The following IGSF11 variants were observed in gnomAD, a reference collection of about 807,000 sequenced individuals.
The protein encoded by IGSF11 is CXADR like 1.
Under a neutral mutation model 41.0 loss-of-function variants are expected in IGSF11, and 22 were observed. The observed-to-expected ratio is 0.54, with a 90% confidence interval of 0.38 to 0.77. The LOEUF (loss-of-function observed/expected upper bound fraction) is 0.77, where lower values mean the gene tolerates loss of function less well. Ranked by LOEUF, IGSF11 falls within the 30% of genes least tolerant of loss-of-function variation. The pLI is 0.00. For synonymous variants in IGSF11, 219 were observed against 201.3 expected (o/e 1.09, Z -0.74); for missense variants, 444 against 530.8 (o/e 0.84, Z 1.61).
At chr3:119,003,132 A>C (rs1462468369) in intron 1 of IGSF11, among the ~76,000 whole-genome samples, 2 of 138,650 alleles carry the variant, frequency 1.4e-5, no homozygotes, top group East Asian at 2.0e-4. Flanking sequence ...ATTTGTTTGT[A>C]TCCTCTTTTA....
At chr3:119,067,881 C>G (rs546119026) in intron 1 of IGSF11, among the ~76,000 whole-genome samples, 4 of 152,284 alleles carry the variant, frequency 2.6e-5, no homozygotes, top group African/African-American at 9.6e-5. Context: ...CTTGCTCTTA[C>G]AGGTATCTGA....
chr3:119,100,705 T>G (rs1367608775), intron 1 of IGSF11, among the ~76,000 whole-genome samples: 1 of 152,238 alleles, frequency 6.6e-6, no homozygotes, highest in East Asian at 1.9e-4. Flanking sequence ...ATAAAAGGGC[T>G]GGACCATGAG....
intron 1 of IGSF11, among the ~76,000 whole-genome samples, chr3:118,988,667 G>T (rs1463842833): frequency 1.3e-5 from 2 of 152,168 alleles, no homozygotes; most frequent in Non-Finnish European, 2.9e-5. Flanking sequence ...GCATCTGCAT[G>T]TGGTTTGTCA....
chr3:119,075,075 G>C (rs1030678904), intron 1 of IGSF11, among the ~76,000 whole-genome samples: 1 of 152,002 alleles, frequency 6.6e-6, no homozygotes, highest in Non-Finnish European at 1.5e-5. Context: ...AAGTAAGATA[G>C]ATATACCACT....
chr3:119,032,773 C>T (rs530850856), intron 1 of IGSF11, among the ~76,000 whole-genome samples: 123 of 152,324 alleles, frequency 8.1e-4, no homozygotes, highest in African/African-American at 2.7e-3. Flanking sequence ...CATACATTCC[C>T]TGTACCATAA....
At chr3:118,959,227 T>C (rs549818654) in intron 1 of IGSF11, among the ~76,000 whole-genome samples, 14 of 152,304 alleles carry the variant, frequency 9.2e-5, no homozygotes, top group East Asian at 3.9e-4. Flanking sequence ...CTGCCACGAA[T>C]TGTGGACCAC....
chr3:118,960,592 T>A (rs1041905199), intron 1 of IGSF11, among the ~76,000 whole-genome samples: 1 of 152,122 alleles, frequency 6.6e-6, no homozygotes. Context: ...CTACAACATA[T>A]ACAATTTATT....
intron 1 of IGSF11, among the ~76,000 whole-genome samples, chr3:119,050,171 C>T (rs1941556651): frequency 6.6e-6 from 1 of 151,444 alleles, no homozygotes; most frequent in Admixed American, 6.6e-5. Flanking sequence ...AACTAAAGAG[C>T]TTCTGCACAG....
chr3:119,090,710 C>G (rs575744157), intron 1 of IGSF11, among the ~76,000 whole-genome samples: 30 of 152,264 alleles, frequency 2.0e-4, no homozygotes, highest in African/African-American at 7.0e-4. Flanking sequence ...TGATGGCTAC[C>G]TTTCACCATA....
rs935461764 is a variant in IGSF11, at chr3:119,143,865, A to G, written c.-14+1948T>C. On this transcript the variant is annotated intron_variant, in intron 1 of 7. Transcript: ENST00000425327. ...AGTCAAAAAATGTTATGAGGGACGA[A>G]GAAGTGCATTATATATTGATAAAAG... Among the ~76,000 whole-genome samples, 5 of 152,308 alleles carry G rather than the reference A, an allele frequency of 3.3e-5. 1 individual carries two copies. The highest frequency in any genetic ancestry group is 3.9e-4 in the East Asian group (2 of 5,192).
rs565975446 is a variant in IGSF11, at chr3:119,040,577, G to A, written c.49+64567C>T. ...ACATTTTAAAATCCCTCTCCCCGTT[G>A]TATTTTTTCTTAGTATTCTGTCATT... On this transcript the variant is annotated intron_variant, in intron 1 of 6. Coordinates refer to the IGSF11 transcript ENST00000354673. Among the ~76,000 whole-genome samples, 47 of 152,204 alleles carry A rather than the reference G, an allele frequency of 3.1e-4. No homozygotes were observed. The South Asian group carries it at 3.9e-3, about 13-fold the overall frequency.
At chr3:118,931,660 A>G (rs1031828772) in intron 1 of IGSF11, among the ~76,000 whole-genome samples, 3 of 152,108 alleles carry the variant, frequency 2.0e-5, no homozygotes, top group African/African-American at 7.2e-5. Flanking sequence ...TTGTAAATAG[A>G]CTTACTGGGA....
intron 1 of IGSF11, among the ~76,000 whole-genome samples, chr3:118,935,306 AT>A (rs1943165819): frequency 7.1e-6 from 1 of 140,890 alleles, no homozygotes; most frequent in Non-Finnish European, 1.5e-5. Context: ...ATATACATAT[AT>A]ATATATATAT....
intron 1 of IGSF11, among the ~76,000 whole-genome samples, chr3:119,140,738 T>G (rs969193205): frequency 1.3e-5 from 2 of 152,134 alleles, no homozygotes; most frequent in African/African-American, 4.8e-5. Context: ...CCTCAGTAAA[T>G]TTTAAAAGAT....
chr3:119,144,012 A>G (rs1384659299), intron 1 of IGSF11, among the ~76,000 whole-genome samples: 1 of 152,252 alleles, frequency 6.6e-6, no homozygotes, highest in Non-Finnish European at 1.5e-5. Flanking sequence ...ATTTGAAGGG[A>G]AAAAGAAACA....
chr3:118,953,841 C>A (rs1944762890), intron 1 of IGSF11, among the ~76,000 whole-genome samples: 1 of 152,052 alleles, frequency 6.6e-6, no homozygotes, highest in South Asian at 2.1e-4. Context: ...TTTTTTCCCA[C>A]TCTGTGGGTT....
intron 1 of IGSF11, among the ~76,000 whole-genome samples, chr3:119,134,011 A>G (rs1369610913): frequency 6.6e-6 from 1 of 152,212 alleles, no homozygotes; most frequent in Non-Finnish European, 1.5e-5. Flanking sequence ...ACAAAACTCA[A>G]CAGCCCTTCA....
intron 1 of IGSF11, among the ~76,000 whole-genome samples, chr3:118,941,686 A>C (rs1352674923): frequency 6.6e-6 from 1 of 152,198 alleles, no homozygotes; most frequent in Non-Finnish European, 1.5e-5. Context: ...CTGCATCTTT[A>C]TTTGTAATAG....
intron 1 of IGSF11, among the ~76,000 whole-genome samples, chr3:119,043,867 C>T (rs1941214817): frequency 6.6e-6 from 1 of 152,166 alleles, no homozygotes; most frequent in Non-Finnish European, 1.5e-5. Context: ...CAGGAGAGTA[C>T]CACATCCAAA....
Sources: allele counts gnomAD v4.1 joint callset (sites outside exome capture counted in the v4.1 genomes callset), GRCh38; gene constraint gnomAD v4.1.1; transcripts MANE v1.5; gene names NCBI Gene and HGNC (gene_info 2026-07-23, HGNC 2026-07-21).